The following PCDHGA9 variants were observed in gnomAD, a reference collection of about 807,000 sequenced individuals.
The protein encoded by PCDHGA9 is protocadherin gamma-A9.
In PCDHGA9, 37 loss-of-function variants were observed where a neutral mutation model predicts 62.5. That is an observed-to-expected ratio of 0.59 (90% CI 0.46 to 0.78). The LOEUF (loss-of-function observed/expected upper bound fraction) is 0.78. Ranked by LOEUF, PCDHGA9 falls within the 30% of genes least tolerant of loss-of-function variation. The pLI is 0.00. For missense variants in PCDHGA9, 1,138 were observed against 1,166.2 expected, an observed-to-expected ratio of 0.98 and a Z score of 0.35; for synonymous variants, 459 against 484.6, an observed-to-expected ratio of 0.95 and a Z score of 0.69.
rs1485764871 is a variant in PCDHGA9, at chr5:141,486,709, C to A, written c.2425-8098C>A. On this transcript the variant is annotated intron_variant, in intron 1 of 3. Coordinates refer to ENST00000573521, the MANE Select transcript of PCDHGA9 (RefSeq NM_018921.3). The surrounding 1 kb of genome is among the most constrained non-coding windows in gnomAD (Gnocchi z 5.0). ...CTTCCTCTTTCATCTCTCTGAACCC[C>A]CAGACAGGAGCTGTTCATGCTACTC... 6.2e-7 allele frequency: 1 copy of A among 1,614,182 alleles called. No homozygotes were observed. Among genetic ancestry groups the A allele is most frequent in the Admixed American group, 1.7e-5 (1 of 60,022 alleles).
intron 1 of PCDHGA9, among the ~76,000 whole-genome samples, chr5:141,436,389 TTAAA>T (rs1385837876): frequency 6.6e-6 from 1 of 152,212 alleles, no homozygotes; most frequent in Non-Finnish European, 1.5e-5. Context: ...ATAGGCTTTA[TTAAA>T]TAGTTGTTGA....
At position 141,486,415 on chromosome 5, in the gene PCDHGA9, T is replaced by C. The variant is rs745877804; in HGVS notation, c.2425-8392T>C. On this transcript the variant is annotated intron_variant, in intron 1 of 3. Transcript: ENST00000573521. The surrounding 1 kb of genome is among the most constrained non-coding windows in gnomAD (Gnocchi z 5.0). ...CCCTGGTGACTGCTGGACCCTTGGA[T>C]CGAGAGGCCAAATCTAGCTATGACA... 6.2e-7 allele frequency: 1 copy of C among 1,614,176 alleles called. No individual in the cohort carries two copies. The highest frequency in any genetic ancestry group is 8.5e-7 in the Non-Finnish European group (1 of 1,180,022).
At chr5:141,428,226 C>A (rs2154552641) in intron 1 of PCDHGA9, 1 of 1,137,180 alleles carries the variant, frequency 8.8e-7, no homozygotes, top group South Asian at 1.3e-5. Flanking sequence ...TCTTCGCAGA[C>A]AGCCTGCAGG....
chr5:141,473,431 G>A (rs541546681), intron 1 of PCDHGA9, among the ~76,000 whole-genome samples: 10 of 152,266 alleles, frequency 6.6e-5, no homozygotes, highest in Non-Finnish European at 1.3e-4. Flanking sequence ...CAGATACTTT[G>A]CTTATGCAAA....
Position 141,490,765 on chromosome 5 carries a change from G to A in PCDHGA9, c.2425-4042G>A. The A allele has an allele frequency of 6.2e-7, 1 of 1,614,076 alleles. No individual in the cohort carries two copies. The highest frequency in any genetic ancestry group is 8.5e-7 in the Non-Finnish European group (1 of 1,179,914). ...AGCCCCAGCCTCCTCCTTTGTGTAT[G>A]TCAACCCAGAGGATGGACGGATCTT... On this transcript the variant is annotated intron_variant, in intron 1 of 3. Coordinates refer to ENST00000573521, the MANE Select transcript of PCDHGA9 (RefSeq NM_018921.3). This position sits in a 1 kb window ranked among gnomAD's most constrained non-coding sequence, Gnocchi z 5.4.
chr5:141,491,837 G>A lies in PCDHGA9; in HGVS notation c.2425-2970G>A, dbSNP rs1404051857. The A allele has an allele frequency of 1.4e-6, 2 of 1,472,862 alleles. No individual in the cohort carries two copies. The highest frequency in any genetic ancestry group is 1.8e-6 in the Non-Finnish European group (2 of 1,111,878). The allele number at this position is 1,472,862 out of a possible 1,614,324, so 91.2% of individuals were successfully genotyped here. A position where few individuals can be genotyped will look rare whatever the true frequency, so the allele number is the denominator to read the frequency against. ...TGGCTGCGCTCCACCCGATTCTCGG[G>A]ATCATTGGACCGTTTGCGCGAAACC... On this transcript the variant is annotated intron_variant, in intron 1 of 3. Transcript: ENST00000573521. The surrounding 1 kb of genome is among the most constrained non-coding windows in gnomAD (Gnocchi z 6.9).
rs1376914747 is a variant in PCDHGA9, at chr5:141,432,008, A to T, written c.2424+26632A>T. On this transcript the variant is annotated intron_variant, in intron 1 of 3. Coordinates refer to ENST00000573521, the MANE Select transcript of PCDHGA9 (RefSeq NM_018921.3). This position sits in a 1 kb window ranked among gnomAD's most constrained non-coding sequence, Gnocchi z 6.0. ...AGTCTTGGATAGGGAACAGGTTCCT[A>T]GCTACAACATCACAGTGACCGCCAC... 1 of 1,614,200 alleles carries T rather than the reference A, an allele frequency of 6.2e-7. No homozygotes were observed. The highest frequency in any genetic ancestry group is 2.2e-5 in the East Asian group (1 of 44,888).
At chr5:141,409,614 T>C in intron 1 of PCDHGA9, 1 of 1,613,880 alleles carries the variant, frequency 6.2e-7, no homozygotes, top group Non-Finnish European at 8.5e-7. Flanking sequence ...GGAGCCTCCA[T>C]TGCGCAAGTG....
intron 1 of PCDHGA9, chr5:141,427,435 T>C (rs536693959): frequency 2.1e-6 from 1 of 474,160 alleles, no homozygotes; most frequent in African/African-American, 2.0e-5. Flanking sequence ...ACATGCCTCA[T>C]AAACGAAAGA....
chr5:141,477,951 G>T lies in PCDHGA9; in HGVS notation c.2425-16856G>T. 3 of 1,614,120 alleles carry T rather than the reference G, an allele frequency of 1.9e-6. No homozygotes were observed. The highest frequency in any genetic ancestry group is 2.5e-6 in the Non-Finnish European group (3 of 1,180,024). Reference sequence around the variant, plus strand: ...GCCTGGCTCTCCTACAGTCTCTTGGGATCCCCTAACCAGAGCCTTTTTGCC... The same window carrying T: ...GCCTGGCTCTCCTACAGTCTCTTGGTATCCCCTAACCAGAGCCTTTTTGCC... On this transcript the variant is annotated intron_variant, in intron 1 of 3. Transcript: ENST00000573521. The surrounding 1 kb of genome is among the most constrained non-coding windows in gnomAD (Gnocchi z 4.9).
chr5:141,415,062 G>C, intron 1 of PCDHGA9: 1 of 1,613,426 alleles, frequency 6.2e-7, no homozygotes, highest in Non-Finnish European at 8.5e-7. Context: ...ACACGGGCGA[G>C]GTGCGCACGG....
rs915257485 is a variant in PCDHGA9, at chr5:141,476,018, A to T, written c.2425-18789A>T. ...AACGGCATCCAGAAAGCCATGTCGG[A>T]CTCGGCGCCCAGCGCCCAAGCGCTA... On this transcript the variant is annotated intron_variant, in intron 1 of 3. Transcript: ENST00000573521. This position sits in a 1 kb window ranked among gnomAD's most constrained non-coding sequence, Gnocchi z 7.6. The T allele has an allele frequency of 5.8e-6, 8 of 1,371,412 alleles. No homozygotes were observed. Among genetic ancestry groups the T allele is most frequent in the Non-Finnish European group, 7.9e-6 (8 of 1,016,908 alleles). The allele number at this position is 1,371,412 out of a possible 1,614,324, so 85.0% of individuals were successfully genotyped here.
At chr5:141,481,913 CAAA>C (rs34114744) in intron 1 of PCDHGA9, among the ~76,000 whole-genome samples, 50 of 90,788 alleles carry the variant, frequency 5.5e-4, no homozygotes, top group African/African-American at 7.1e-4. Flanking sequence ...AACTCCATCT[CAAA>C]AAAAAAAAAA....
At chr5:141,455,686 G>A (rs1282071031) in intron 1 of PCDHGA9, among the ~76,000 whole-genome samples, 1 of 152,094 alleles carries the variant, frequency 6.6e-6, no homozygotes. Context: ...AAGGCTGTGG[G>A]AATCGCCAAG....
intron 1 of PCDHGA9, chr5:141,414,139 G>T: frequency 6.3e-7 from 1 of 1,596,506 alleles, no homozygotes; most frequent in Non-Finnish European, 8.5e-7. Flanking sequence ...CTATGAAATA[G>T]AAATACAAGC....
chr5:141,437,478 T>G (rs942305423), intron 1 of PCDHGA9, among the ~76,000 whole-genome samples: 2 of 152,210 alleles, frequency 1.3e-5, no homozygotes, highest in African/African-American at 2.4e-5. Flanking sequence ...TATAGCATAT[T>G]TAATCTCGTA....
intron 1 of PCDHGA9, chr5:141,409,421 G>C (rs1381290106): frequency 6.2e-7 from 1 of 1,614,044 alleles, no homozygotes; most frequent in South Asian, 1.1e-5. Context: ...ACTGGTGACA[G>C]ATGGAGCCCT....
chr5:141,417,871 C>T (rs1317007566), intron 1 of PCDHGA9: 1 of 1,554,006 alleles, frequency 6.4e-7, no homozygotes, highest in African/African-American at 1.4e-5. Context: ...TGGGAGGGAG[C>T]TGCGCGCAGA....
intron 1 of PCDHGA9, among the ~76,000 whole-genome samples, chr5:141,465,576 C>T (rs1002696285): frequency 6.6e-6 from 1 of 152,136 alleles, no homozygotes; most frequent in Non-Finnish European, 1.5e-5. Context: ...TCTCAAAACA[C>T]TCTCATAATA....
Sources: gnomAD v4.1 joint callset for allele counts (sites outside exome capture counted in the v4.1 genomes callset) on GRCh38, gnomAD v4.1.1 for gene constraint, Gnocchi (gnomAD v3.1) non-coding constraint, MANE v1.5 for transcripts, NCBI Gene and HGNC (gene_info 2026-07-23, HGNC 2026-07-21) for gene names.